MTMR7: variants seen among roughly 807,000 people sequenced by gnomAD.
MTMR7 encodes the protein phosphatidylinositol-3-phosphate phosphatase MTMR7.
A neutral mutation model predicts 81.2 loss-of-function variants in MTMR7; 76 were observed. The ratio of observed to expected loss-of-function variants is 0.94; its 90% confidence interval spans 0.78 to 1.13. MTMR7 has a LOEUF of 1.13. Ranked by LOEUF, MTMR7 falls within the 50% of genes most tolerant of loss-of-function variation. The pLI, the probability that MTMR7 is intolerant of heterozygous loss-of-function variation, is 0.00. For missense variants in MTMR7, 1,044 were observed against 820.0 expected (o/e 1.27, Z -3.34); for synonymous variants, 372 against 289.8 (o/e 1.28, Z -2.88).
At chr8:17,359,210 A>C (rs1339812522) in intron 4 of MTMR7, among the ~76,000 whole-genome samples, 3 of 152,154 alleles carry the variant, frequency 2.0e-5, no homozygotes, top group Non-Finnish European at 4.4e-5. Context: ...AATGCGTATT[A>C]ATAAAGAAAT....
intron 3 of MTMR7, among the ~76,000 whole-genome samples, chr8:17,364,331 T>A: frequency 6.6e-6 from 1 of 152,062 alleles, no homozygotes; most frequent in East Asian, 1.9e-4. Flanking sequence ...CCGCGCCCGG[T>A]CAAAAAGTGA....
chr8:17,411,516 A>G lies in MTMR7; in HGVS notation c.24+1753T>C, dbSNP rs563066248. Among the ~76,000 whole-genome samples the G allele has an allele frequency of 2.6e-5, 4 of 152,356 alleles. No individual in the cohort carries two copies. In the East Asian group the frequency reaches 5.8e-4, roughly 22 times the overall value. On this transcript the variant is annotated intron_variant, in intron 1 of 13. Transcript: ENST00000180173. ...TTCTAAATGCTTGTAGAATAAAATA[A>G]ATGAATAAATGAATCCGATCCATCC...
chr8:17,304,746 CGT>C (rs10527892), intron 11 of MTMR7, among the ~76,000 whole-genome samples: 83,237 of 146,986 alleles, frequency 0.57, 24,932 homozygotes, highest in Middle Eastern at 0.72. Context: ...GTGTTCGATT[CGT>C]GTGTGTGTGT....
intron 6 of MTMR7, among the ~76,000 whole-genome samples, chr8:17,333,225 T>G: frequency 6.6e-6 from 1 of 152,054 alleles, no homozygotes; most frequent in East Asian, 1.9e-4. Context: ...GAATAAAGAG[T>G]TTGGCCTTAA....
At chr8:17,380,504 C>G (rs565452247) in intron 1 of MTMR7, among the ~76,000 whole-genome samples, 6 of 151,530 alleles carry the variant, frequency 4.0e-5, no homozygotes, top group African/African-American at 1.5e-4. Flanking sequence ...CTGAGCCACA[C>G]TGGAAGAAGA....
chr8:17,326,621 C>G (rs1390383220), intron 7 of MTMR7: 2 of 152,178 alleles, frequency 1.3e-5, no homozygotes, highest in Non-Finnish European at 2.9e-5. Flanking sequence ...GACTCTGTAA[C>G]TGGAGAGAGG....
At chr8:17,374,616 T>A (rs1169152159) in intron 1 of MTMR7, among the ~76,000 whole-genome samples, 1 of 149,528 alleles carries the variant, frequency 6.7e-6, no homozygotes, top group East Asian at 2.1e-4. Context: ...TGAGACTCCA[T>A]CTCAAAATAA....
intron 1 of MTMR7, among the ~76,000 whole-genome samples, chr8:17,384,099 C>A (rs1006251658): frequency 1.3e-5 from 2 of 152,118 alleles, no homozygotes; most frequent in African/African-American, 4.8e-5. Flanking sequence ...AAGCATACAT[C>A]TCACTAGTTA....
Position 17,348,979 on chromosome 8 carries a change from G to A in MTMR7, c.571C>T (p.Leu191Phe), listed in dbSNP as rs769062524. ...TGGTTATCTTTATAATAGTAAGAAA[G>A]GACAGGAAATCGCCGTCTACTCCGG... ...KFRSRRRFPV[L>F]SYYYKDNHAS... The change falls in exon 5 of 14, where the codon CTT (leucine) becomes TTT (phenylalanine). Residue 191 changes from leucine to phenylalanine, a missense_variant. Transcript: ENST00000180173. The A allele has an allele frequency of 2.0e-5, 32 of 1,613,418 alleles. No homozygotes were observed. Among genetic ancestry groups the A allele is most frequent in the East Asian group, 6.7e-5 (3 of 44,870 alleles).
intron 5 of MTMR7, chr8:17,346,231 T>G (rs181945891): frequency 3.9e-5 from 6 of 152,300 alleles, no homozygotes; most frequent in Non-Finnish European, 7.3e-5. Flanking sequence ...AAACACAAAT[T>G]TGATCATTAT....
chr8:17,396,999 A>T (rs766822086), intron 1 of MTMR7, among the ~76,000 whole-genome samples: 4 of 151,940 alleles, frequency 2.6e-5, no homozygotes, highest in Non-Finnish European at 5.9e-5. Flanking sequence ...CGAATGGAAG[A>T]GAAGAACCCA....
intron 10 of MTMR7, among the ~76,000 whole-genome samples, chr8:17,307,706 A>G (rs1236052203): frequency 1.3e-5 from 2 of 152,258 alleles, no homozygotes; most frequent in African/African-American, 4.8e-5. Flanking sequence ...TTATGCAGCC[A>G]TAAAAAATGA....
In MTMR7 at chr8:17,361,289, A is replaced by T; in HGVS notation, c.311-15T>A. On this transcript the variant is annotated splice_polypyrimidine_tract_variant and intron_variant, in intron 3 of 13. Transcript: ENST00000180173. Reference sequence around the variant, plus strand: ...CTCATATTTCACTGCAAGAAAAGGTAGGATAAAGTTAAATCAAGCTTAGTC... The same window carrying T: ...CTCATATTTCACTGCAAGAAAAGGTTGGATAAAGTTAAATCAAGCTTAGTC... The T allele has an allele frequency of 6.2e-7, 1 of 1,613,950 alleles. No homozygotes were observed.
chr8:17,348,457 G>A (rs1819628314), intron 5 of MTMR7, among the ~76,000 whole-genome samples: 1 of 150,750 alleles, frequency 6.6e-6, no homozygotes, highest in Non-Finnish European at 1.5e-5. Flanking sequence ...GGCTGAGGCA[G>A]GAGAATTGCT....
At chr8:17,362,506 C>T (rs994141757) in intron 3 of MTMR7, among the ~76,000 whole-genome samples, 2 of 152,112 alleles carry the variant, frequency 1.3e-5, no homozygotes, top group African/African-American at 4.8e-5. Context: ...GACGAGAAAT[C>T]TGACGCAAAC....
Position 17,335,341 on chromosome 8 carries a change from C to A in MTMR7, c.733-4059G>T, listed in dbSNP as rs1259067613. On this transcript the variant is annotated intron_variant, in intron 6 of 13. Coordinates refer to ENST00000180173, the MANE Select transcript of MTMR7 (RefSeq NM_004686.5). ...AGCAACTGCATAAATGACTGGATAACAGAATGAGGCCCGGGGAGAGCAGGC... is the reference window on the plus strand; with the variant it reads ...AGCAACTGCATAAATGACTGGATAAAAGAATGAGGCCCGGGGAGAGCAGGC... Among the ~76,000 whole-genome samples, 7 of 152,226 alleles carry A rather than the reference C, an allele frequency of 4.6e-5. No homozygotes were observed. The East Asian group carries it at 7.7e-4, about 17-fold the overall frequency.
intron 4 of MTMR7, 93 bp downstream of exon 4, chr8:17,361,024 T>A (rs538945995): frequency 7.3e-6 from 10 of 1,376,842 alleles, no homozygotes; most frequent in Non-Finnish European, 9.1e-6. Context: ...TACAAAGAGC[T>A]ATAAAACCTG....
chr8:17,380,310 C>T (rs1181585012), intron 1 of MTMR7, among the ~76,000 whole-genome samples: 3 of 152,212 alleles, frequency 2.0e-5, no homozygotes, highest in East Asian at 3.8e-4. Context: ...CATCCATGCA[C>T]TGCACAATCA....
In MTMR7 at chr8:17,305,807, G is replaced by A. The variant is rs762991322; in HGVS notation, c.1302C>T (p.Cys434=). ...LIHIQHHIYS[C]QFGNFLCNSQ... ...TGTTACATAGGAAGTTTCCAAACTG[G>A]CAGGAATAAATGTGATGTTGAATGT... The change falls in exon 11 of 14, where the codon TGC becomes TGT. Residue 434 remains cysteine (C), a synonymous_variant. Coordinates refer to ENST00000180173, the MANE Select transcript of MTMR7 (RefSeq NM_004686.5). 6.8e-6 allele frequency: 11 copies of A among 1,613,506 alleles called. No homozygotes were observed. The highest frequency in any genetic ancestry group is 9.3e-6 in the Non-Finnish European group (11 of 1,179,628).
Sources: allele counts gnomAD v4.1 joint callset (sites outside exome capture counted in the v4.1 genomes callset), GRCh38; gene constraint gnomAD v4.1.1; transcripts MANE v1.5; gene names NCBI Gene and HGNC (gene_info 2026-07-23, HGNC 2026-07-21).